PXDNL: variants seen among roughly 807,000 people sequenced by gnomAD.
PXDNL encodes the protein peroxidasin like.
In PXDNL, 145 loss-of-function variants were observed where a neutral mutation model predicts 150.8. The observed-to-expected ratio is 0.96, with a 90% CI of 0.84 to 1.10. The LOEUF is 1.10. Among genes scored for constraint, PXDNL ranks in the 50% least tolerant of loss-of-function variants. The pLI, the probability that PXDNL is intolerant of heterozygous loss-of-function variation, is 0.00. For missense variants in PXDNL, 2,087 were observed against 1,873.9 expected (o/e 1.11, Z -2.10); for synonymous variants, 757 against 725.7 (o/e 1.04, Z -0.69).
chr8:51,489,865 A>G lies in PXDNL; in HGVS notation c.453-6151T>C, dbSNP rs577943886. Among the ~76,000 whole-genome samples, 9 of 152,318 alleles carry G rather than the reference A, an allele frequency of 5.9e-5. No individual in the cohort carries two copies. In the South Asian group the frequency reaches 1.9e-3, roughly 32 times the overall value. On this transcript the variant is annotated intron_variant, in intron 5 of 22. Transcript: ENST00000356297. ...GCCTTTTCATAGCAAGTTCTTCAAC[A>G]TGTATTCCAGCAGAACAAAGAAGTA...
At chr8:51,728,883 T>C (rs1215078838) in intron 1 of PXDNL, among the ~76,000 whole-genome samples, 1 of 152,224 alleles carries the variant, frequency 6.6e-6, no homozygotes, top group African/African-American at 2.4e-5. Flanking sequence ...TACTCGCCAC[T>C]CACTCACTGA....
chr8:51,594,336 C>A (rs962298726), intron 2 of PXDNL, among the ~76,000 whole-genome samples: 2 of 152,128 alleles, frequency 1.3e-5, no homozygotes, highest in African/African-American at 4.8e-5. Flanking sequence ...AATCTTCCAA[C>A]GGTGGTGCCT....
At chr8:51,608,384 G>T (rs1209275239) in intron 2 of PXDNL, among the ~76,000 whole-genome samples, 1 of 102,002 alleles carries the variant, frequency 9.8e-6, no homozygotes, top group Non-Finnish European at 1.7e-5. Context: ...GAGAGACTCC[G>T]TCAAAAAAAA....
At chr8:51,578,005 G>A (rs1813117111) in intron 3 of PXDNL, among the ~76,000 whole-genome samples, 3 of 74,954 alleles carry the variant, frequency 4.0e-5, no homozygotes, top group African/African-American at 8.1e-5. Flanking sequence ...GAAAGAGGAA[G>A]GAAGGAAGGA....
At chr8:51,411,858 C>T (rs576356584) in intron 15 of PXDNL, among the ~76,000 whole-genome samples, 2 of 152,276 alleles carry the variant, frequency 1.3e-5, no homozygotes, top group Admixed American at 6.5e-5. Flanking sequence ...AGGCCTCACT[C>T]TCCCTGTAGA....
At chr8:51,457,462 C>T (rs1257584647) in intron 9 of PXDNL, 36 bp downstream of exon 9, 1 of 1,510,072 alleles carries the variant, frequency 6.6e-7, no homozygotes, top group Non-Finnish European at 9.0e-7. Flanking sequence ...TTTTCCAGTG[C>T]AGATAATTGA....
intron 1 of PXDNL, among the ~76,000 whole-genome samples, chr8:51,799,281 C>T (rs962471455): frequency 4.6e-5 from 7 of 152,142 alleles, no homozygotes; most frequent in Non-Finnish European, 7.4e-5. Context: ...AGCTAATGCA[C>T]GTGGAGTTTA....
At chr8:51,472,600 T>C (rs1810372167) in intron 7 of PXDNL, among the ~76,000 whole-genome samples, 1 of 152,216 alleles carries the variant, frequency 6.6e-6, no homozygotes, top group Admixed American at 6.5e-5. Context: ...GGAAGGAGTT[T>C]GATTTTATGG....
chr8:51,482,517 G>T (rs1029943758), intron 6 of PXDNL, among the ~76,000 whole-genome samples: 1 of 152,096 alleles, frequency 6.6e-6, no homozygotes. Flanking sequence ...TTTCAAATGT[G>T]AGGATATGAG....
chr8:51,613,484 C>CG (rs113739338), intron 2 of PXDNL, among the ~76,000 whole-genome samples: 6,586 of 34,158 alleles, frequency 0.19, 391 homozygotes, highest in African/African-American at 0.25. Flanking sequence ...CTTAAGGGGG[C>CG]GGGGGGGGGG....
intron 16 of PXDNL, among the ~76,000 whole-genome samples, chr8:51,410,112 T>A (rs1808584726): frequency 6.6e-6 from 1 of 152,202 alleles, no homozygotes; most frequent in South Asian, 2.1e-4. Flanking sequence ...CAAAGAAATA[T>A]CAATATGGAT....
chr8:51,544,246 G>T (rs992674241), intron 4 of PXDNL, among the ~76,000 whole-genome samples: 7 of 152,178 alleles, frequency 4.6e-5, no homozygotes, highest in African/African-American at 1.7e-4. Context: ...CTGGGGTGGA[G>T]GGTGAACATG....
chr8:51,479,576 G>T (rs1218829319), intron 6 of PXDNL, among the ~76,000 whole-genome samples: 1 of 152,186 alleles, frequency 6.6e-6, no homozygotes, highest in African/African-American at 2.4e-5. Context: ...ATCATGGATG[G>T]AACTGGAAGC....
At chr8:51,380,127 T>TAAA (rs60696948) in intron 17 of PXDNL, among the ~76,000 whole-genome samples, 3 of 149,664 alleles carry the variant, frequency 2.0e-5, no homozygotes, top group Admixed American at 6.6e-5. Context: ...GCTGACGAGC[T>TAAA]AAAAAAAAAA....
intron 5 of PXDNL, among the ~76,000 whole-genome samples, chr8:51,492,846 AC>A (rs1430478431): frequency 6.6e-6 from 1 of 152,118 alleles, no homozygotes; most frequent in African/African-American, 2.4e-5. Flanking sequence ...TGTAGACTCC[AC>A]CTCTGGGGGC....
chr8:51,339,505 T>C, intron 21 of PXDNL, 119 bp downstream of exon 21: 1 of 1,017,484 alleles, frequency 9.8e-7, no homozygotes, highest in Non-Finnish European at 1.4e-6. Flanking sequence ...CAACTCCCTG[T>C]ATAGGTTTTT....
intron 19 of PXDNL, among the ~76,000 whole-genome samples, chr8:51,359,821 ACC>A (rs201896436): frequency 6.6e-6 from 1 of 152,104 alleles, no homozygotes. Flanking sequence ...CACCTATCGC[ACC>A]TATCCATCCA....
intron 5 of PXDNL, among the ~76,000 whole-genome samples, chr8:51,493,551 G>T (rs1477206941): frequency 2.0e-5 from 3 of 152,108 alleles, no homozygotes; most frequent in Non-Finnish European, 4.4e-5. Context: ...TAGACGAATG[G>T]CTAACTAGAA....
chr8:51,469,268 C>T (rs1041358299), intron 8 of PXDNL, among the ~76,000 whole-genome samples: 2 of 151,980 alleles, frequency 1.3e-5, no homozygotes, highest in African/African-American at 4.8e-5. Flanking sequence ...AAGATTTTGT[C>T]TCTGACTTTC....
Sources: gnomAD v4.1 joint callset for allele counts (sites outside exome capture counted in the v4.1 genomes callset) on GRCh38, gnomAD v4.1.1 for gene constraint, MANE v1.5 for transcripts, NCBI Gene and HGNC (gene_info 2026-07-23, HGNC 2026-07-21) for gene names.